The following FCSK variants were observed in gnomAD, a reference collection of about 807,000 sequenced individuals.
FCSK encodes fucose kinase, also known as L-fucose kinase.
A neutral mutation model predicts 122.5 loss-of-function variants in FCSK; 123 were observed. That is an observed-to-expected ratio of 1.00 (90% CI 0.87 to 1.17). The LOEUF (loss-of-function observed/expected upper bound fraction) is 1.17. Ranked by LOEUF, FCSK falls within the 50% of genes most tolerant of loss-of-function variation. The probability of loss-of-function intolerance (pLI) is 0.00; values close to 1 mark genes in which losing one functional copy is unlikely to be tolerated. For missense variants in FCSK, 1,366 were observed against 1,450.4 expected, an observed-to-expected ratio of 0.94 and a Z score of 0.95; for synonymous variants, 620 against 625.5, an observed-to-expected ratio of 0.99 and a Z score of 0.13.
rs752332927 is a variant in FCSK, at chr16:70,466,203, C to T, written c.357C>T (p.Pro119=). ...TCCCCGTGGAGAACCCCGAGGCCCC[C>T]GTGGAAGCCTTGGTCTGCAACCTGG... ...TCLPVENPEA[P]VEALVCNLDC... Residue 119 remains proline, a synonymous_variant, in exon 5 of 24, where the codon CCC becomes CCT. Coordinates refer to ENST00000288078, the MANE Select transcript of FCSK (RefSeq NM_145059.3). 23 of 1,613,800 alleles carry T rather than the reference C, an allele frequency of 1.4e-5. No individual in the cohort carries two copies. Among genetic ancestry groups the T allele is most frequent in the East Asian group, 6.7e-5 (3 of 44,872 alleles).
At chr16:70,462,541 G>A (rs1216697150) in intron 1 of FCSK, among the ~76,000 whole-genome samples, 1 of 152,206 alleles carries the variant, frequency 6.6e-6, no homozygotes, top group Non-Finnish European at 1.5e-5. Flanking sequence ...GGCCAGGCTG[G>A]TCTCGAACTC....
Position 70,479,099 on chromosome 16 carries a change from C to A in FCSK, c.2930-81C>A, listed in dbSNP as rs981363411. On this transcript the variant is annotated intron_variant, in intron 22 of 23. Transcript: ENST00000288078. ...TTACCATGACACTGGCTCAGCAGCA[C>A]GTCTTGGCACTTCATGCAATCTCCA... 3.4e-5 allele frequency: 37 copies of A among 1,085,106 alleles called. No individual in the cohort carries two copies. In the African/African-American group the frequency reaches 4.8e-4, roughly 14 times the overall value. The allele number at this position is 1,085,106 out of a possible 1,614,324, so 67.2% of individuals were successfully genotyped here.
intron 4 of FCSK, among the ~76,000 whole-genome samples, chr16:70,465,389 G>T (rs972393926): frequency 5.3e-5 from 8 of 152,182 alleles, no homozygotes; most frequent in African/African-American, 1.9e-4. Flanking sequence ...CGGGCGCAGT[G>T]GCTCATGCCT....
intron 1 of FCSK, among the ~76,000 whole-genome samples, chr16:70,462,706 G>A (rs1431286339): frequency 1.3e-5 from 2 of 151,838 alleles, no homozygotes; most frequent in African/African-American, 2.4e-5. Context: ...GTGCAGTGGC[G>A]CGATCTTGGC....
rs756229104 is a variant in FCSK, at chr16:70,472,621, CT to C, written c.1406+17del. ...CAGGTGTTCGGTAAGGTGGACACCC[CT>C]AGGGCCTCTGTGGGCCTGGGCAGCT... On this transcript the variant is annotated intron_variant, in intron 14 of 23. Transcript: ENST00000288078. The C allele has an allele frequency of 1.2e-5, 19 of 1,602,782 alleles. No individual in the cohort carries two copies. The African/African-American group carries it at 1.9e-4, about 16-fold the overall frequency.
rs185102649 is a variant in FCSK, at chr16:70,467,314, G to A, written c.485-60G>A. Reference sequence around the variant, plus strand: ...CCCTGGGCTCTTGCTTCCACCTGGTGGGGAAATCCGTGCCTTGGGTGGAGG... The same window carrying A: ...CCCTGGGCTCTTGCTTCCACCTGGTAGGGAAATCCGTGCCTTGGGTGGAGG... On this transcript the variant is annotated intron_variant, in intron 6 of 23. Coordinates refer to ENST00000288078, the MANE Select transcript of FCSK (RefSeq NM_145059.3). 24 of 1,240,224 alleles carry A rather than the reference G, an allele frequency of 1.9e-5. No homozygotes were observed. The highest frequency in any genetic ancestry group is 1.3e-4 in the Admixed American group (6 of 46,000). The allele number at this position is 1,240,224 out of a possible 1,614,324, so 76.8% of individuals were successfully genotyped here.
In FCSK at chr16:70,475,780, C is replaced by T. The variant is rs1490447669; in HGVS notation, c.2641+13C>T. The stretch of plus-strand genomic sequence containing the variant: ...GTGCTCACCACTGGTATGTGACTGC[C>T]CTGGAGTTGGAGGAGGTCACTGACA... On this transcript the variant is annotated intron_variant, in intron 20 of 23. Coordinates refer to ENST00000288078, the MANE Select transcript of FCSK (RefSeq NM_145059.3). 4.5e-6 allele frequency: 7 copies of T among 1,551,466 alleles called. No homozygotes were observed. The East Asian group carries it at 1.2e-4, about 26-fold the overall frequency.
intron 9 of FCSK, 40 bp downstream of exon 9, chr16:70,469,008 G>C: frequency 6.2e-7 from 1 of 1,609,976 alleles, no homozygotes; most frequent in South Asian, 1.1e-5. Flanking sequence ...CTGGCTTGGG[G>C]GCGAGGCACT....
chr16:70,466,313 C>A, intron 5 of FCSK, 56 bp downstream of exon 5: 1 of 1,602,062 alleles, frequency 6.2e-7, no homozygotes, highest in Non-Finnish European at 8.5e-7. Context: ...ACTTCCCTCC[C>A]ACTGTTCCCC....
In FCSK at chr16:70,474,299, G is replaced by A. The variant is rs200813651; in HGVS notation, c.1948G>A (p.Val650Met). 484 of 1,613,650 alleles carry A rather than the reference G, an allele frequency of 3.0e-4. No individual in the cohort carries two copies. Among genetic ancestry groups the A allele is most frequent in the Admixed American group, 6.3e-4 (38 of 59,996 alleles). ...GGAGTGTGGAGACCTGGCAGCGGGCGTGGAGGCGCTTGCCCAGGAGAGGGA... is the reference window on the plus strand; with the variant it reads ...GGAGTGTGGAGACCTGGCAGCGGGCATGGAGGCGCTTGCCCAGGAGAGGGA... ...YLECGDLAAG[V>M]EALAQERDKW... Residue 650 changes from valine (V) to methionine (M), a missense_variant, in exon 16 of 24, where the codon GTG becomes ATG. Transcript: ENST00000288078.
At chr16:70,477,846 C>G (rs1385540736) in intron 20 of FCSK, 1 of 171,936 alleles carries the variant, frequency 5.8e-6, no homozygotes, top group Non-Finnish European at 1.2e-5. Flanking sequence ...CCATGCCTGG[C>G]TAATTTTTGT....
intron 1 of FCSK, among the ~76,000 whole-genome samples, chr16:70,461,020 A>G (rs963024841): frequency 2.0e-5 from 3 of 152,156 alleles, no homozygotes; most frequent in Non-Finnish European, 2.9e-5. Context: ...TCTAGCTGGA[A>G]TTTCCCCTCT....
intron 2 of FCSK, 87 bp downstream of exon 2, chr16:70,463,359 C>A: frequency 8.3e-7 from 1 of 1,197,758 alleles, no homozygotes; most frequent in Non-Finnish European, 1.2e-6. Context: ...GGTGCCAGGC[C>A]AACCTGGGTT....
chr16:70,465,429 C>T (rs555558037), intron 4 of FCSK, among the ~76,000 whole-genome samples: 72 of 151,136 alleles, frequency 4.8e-4, no homozygotes, highest in African/African-American at 1.7e-3. Flanking sequence ...GAGGCCAAGG[C>T]GGGAGGATTG....
chr16:70,469,744 G>T (rs1205287664), intron 10 of FCSK, among the ~76,000 whole-genome samples: 1 of 152,020 alleles, frequency 6.6e-6, no homozygotes, highest in East Asian at 1.9e-4. Flanking sequence ...AGTTGGTCAG[G>T]CTGGTCTTGA....
rs368965573 is a variant in FCSK, at chr16:70,475,638, C to T, written c.2522-10C>T. The T allele has an allele frequency of 4.6e-5, 73 of 1,579,474 alleles. No homozygotes were observed. In the East Asian group the frequency reaches 6.3e-4, roughly 14 times the overall value. On this transcript the variant is annotated splice_polypyrimidine_tract_variant and intron_variant, in intron 19 of 23. Transcript: ENST00000288078. ...TGTTTCATGTCTGCTCTCTCCTCTC[C>T]GCCCTGCAGGCACCAGCAGCATCCT...
chr16:70,462,017 G>T (rs2048281731), intron 1 of FCSK, among the ~76,000 whole-genome samples: 1 of 152,218 alleles, frequency 6.6e-6, no homozygotes, highest in African/African-American at 2.4e-5. Flanking sequence ...GCCCATCCAT[G>T]CGAGGGATCA....
chr16:70,474,370 A>C, intron 16 of FCSK, 31 bp downstream of exon 16: 1 of 1,605,026 alleles, frequency 6.2e-7, no homozygotes, highest in Non-Finnish European at 8.5e-7. Context: ...GATCCCTTGG[A>C]TAAGCCCCTT....
At chr16:70,467,700 C>A in intron 7 of FCSK, 186 bp from the exon 8 acceptor site, 1 of 645,046 alleles carries the variant, frequency 1.6e-6, no homozygotes, top group Non-Finnish European at 2.7e-6. Context: ...GCTGCAAAGA[C>A]CTTTAAAGCC....
Sources: allele counts gnomAD v4.1 joint callset (sites outside exome capture counted in the v4.1 genomes callset), GRCh38; gene constraint gnomAD v4.1.1; transcripts MANE v1.5; gene names NCBI Gene and HGNC (gene_info 2026-07-23, HGNC 2026-07-21).